The following SERPINI1 variants were observed in gnomAD, a reference collection of about 807,000 sequenced individuals.
SERPINI1 encodes the protein serpin family I member 1.
Under a neutral mutation model 41.1 loss-of-function variants are expected in SERPINI1, and 19 were observed. The observed-to-expected ratio is 0.46, with a 90% CI of 0.32 to 0.68. The LOEUF (loss-of-function observed/expected upper bound fraction) is 0.68, where lower values mean the gene tolerates loss of function less well. Among genes scored for constraint, SERPINI1 ranks in the 30% least tolerant of loss-of-function variants. The pLI is 0.03. For missense variants in SERPINI1, 460 were observed against 479.2 expected, an observed-to-expected ratio of 0.96 and a Z score of 0.37; for synonymous variants, 138 against 156.6, an observed-to-expected ratio of 0.88 and a Z score of 0.89.
intron 6 of SERPINI1, among the ~76,000 whole-genome samples, chr3:167,813,957 G>A (rs1711981729): frequency 6.6e-6 from 1 of 152,060 alleles, no homozygotes; most frequent in Non-Finnish European, 1.5e-5. Flanking sequence ...CTCTGCACTA[G>A]CTTTTCCTTC....
chr3:167,751,388 G>T (rs762645400), intron 1 of SERPINI1, among the ~76,000 whole-genome samples: 3 of 152,172 alleles, frequency 2.0e-5, no homozygotes, highest in Non-Finnish European at 4.4e-5. Flanking sequence ...TTGATAAAAT[G>T]AGGTAGCCCT....
At position 167,825,287 on chromosome 3, in the gene SERPINI1, A is replaced by G. The variant is rs995047733; in HGVS notation, c.1197A>G (p.Thr399=). ...TGGGACGAGTCATGCATCCTGAAAC[A>G]ATGAACACAAGTGGACATGATTTCG... ...LFMGRVMHPE[T]MNTSGHDFEE... Residue 399 remains threonine, a synonymous_variant, in exon 9 of 9, where the codon ACA becomes ACG. Coordinates refer to ENST00000446050, the MANE Select transcript of SERPINI1 (RefSeq NM_001122752.2). 2 of 1,613,470 alleles carry G rather than the reference A, an allele frequency of 1.2e-6. No homozygotes were observed. Among genetic ancestry groups the G allele is most frequent in the Non-Finnish European group, 1.7e-6 (2 of 1,179,564 alleles).
intron 2 of SERPINI1, 134 bp from the exon 3 acceptor site, chr3:167,790,238 G>A (rs575638621): frequency 1.5e-6 from 1 of 686,864 alleles, no homozygotes; most frequent in African/African-American, 1.8e-5. Flanking sequence ...TATCAATGTG[G>A]GGGAAAGCCT....
At chr3:167,775,294 C>T (rs1481744592) in intron 1 of SERPINI1, among the ~76,000 whole-genome samples, 6 of 148,540 alleles carry the variant, frequency 4.0e-5, no homozygotes, top group Non-Finnish European at 7.4e-5. Flanking sequence ...CAGAGTCTCG[C>T]TCTGTTGCCC....
At chr3:167,786,265 G>A (rs184606473) in intron 1 of SERPINI1, among the ~76,000 whole-genome samples, 1,671 of 152,246 alleles carry the variant, frequency 0.011, 8 homozygotes, top group Non-Finnish European at 0.018. Flanking sequence ...CACTTTGGGA[G>A]GCCAAGGCGG....
At chr3:167,773,754 A>G (rs891267509) in intron 1 of SERPINI1, among the ~76,000 whole-genome samples, 4 of 152,236 alleles carry the variant, frequency 2.6e-5, no homozygotes, top group Admixed American at 6.5e-5. Context: ...GCTTTAGCAC[A>G]GTGTTAGTCA....
chr3:167,738,215 G>A (rs1321345801), intron 1 of SERPINI1, among the ~76,000 whole-genome samples: 1 of 152,138 alleles, frequency 6.6e-6, no homozygotes, highest in East Asian at 1.9e-4. Flanking sequence ...CAGTGAATAT[G>A]TATGATGAGA....
intron 6 of SERPINI1, among the ~76,000 whole-genome samples, chr3:167,818,724 G>T (rs77292081): frequency 1.3e-5 from 2 of 152,106 alleles, no homozygotes; most frequent in Admixed American, 6.6e-5. Context: ...TTTTGGTGGG[G>T]CAAGTGCGAA....
intron 1 of SERPINI1, among the ~76,000 whole-genome samples, chr3:167,764,741 C>T (rs1405887235): frequency 6.6e-6 from 1 of 152,220 alleles, no homozygotes; most frequent in Non-Finnish European, 1.5e-5. Context: ...GTCCCTTCTA[C>T]CTATGAGCTT....
At chr3:167,778,993 T>C (rs1266550452) in intron 1 of SERPINI1, among the ~76,000 whole-genome samples, 1 of 152,230 alleles carries the variant, frequency 6.6e-6, no homozygotes, top group Non-Finnish European at 1.5e-5. Flanking sequence ...ATTTCAACTG[T>C]AGCACAGCCA....
At chr3:167,794,573 T>C in intron 4 of SERPINI1, 47 bp from the exon 5 acceptor site, 1 of 1,554,764 alleles carries the variant, frequency 6.4e-7, no homozygotes, top group Non-Finnish European at 8.9e-7. Flanking sequence ...CCCCAGCTTT[T>C]TTTAAGCTTT....
intron 5 of SERPINI1, among the ~76,000 whole-genome samples, chr3:167,796,171 A>G (rs1727705455): frequency 6.6e-6 from 1 of 151,982 alleles, no homozygotes; most frequent in African/African-American, 2.4e-5. Context: ...CTTAGCTGAT[A>G]GTTTGTTATG....
In SERPINI1 at chr3:167,784,647, T is replaced by C. The variant is rs753721623; in HGVS notation, c.-18-4464T>C. ...TGGCAGGATGGAGAGAGTGCAAGCA[T>C]GGGAAATGACAGATGCTTATAAAAC... On this transcript the variant is annotated intron_variant, in intron 1 of 8. Coordinates refer to ENST00000446050, the MANE Select transcript of SERPINI1 (RefSeq NM_001122752.2). Among the ~76,000 whole-genome samples the C allele has an allele frequency of 3.3e-5, 5 of 152,176 alleles. No individual in the cohort carries two copies. In the South Asian group the frequency reaches 6.2e-4, roughly 19 times the overall value.
At chr3:167,799,039 A>T (rs1403193129) in intron 5 of SERPINI1, among the ~76,000 whole-genome samples, 1 of 151,992 alleles carries the variant, frequency 6.6e-6, no homozygotes, top group Admixed American at 6.6e-5. Flanking sequence ...CTTTATATAT[A>T]TTTTTTGAGC....
chr3:167,746,150 A>G (rs555772700), intron 1 of SERPINI1, among the ~76,000 whole-genome samples: 6 of 152,274 alleles, frequency 3.9e-5, no homozygotes, highest in South Asian at 2.1e-4. Context: ...TTTTCAGTCA[A>G]TTGATTTTCA....
Position 167,825,315 on chromosome 3 carries a change from G to A in SERPINI1, c.1225G>A (p.Glu409Lys), listed in dbSNP as rs777674608. ...GAACACAAGTGGACATGATTTCGAA[G>A]AACTTTAAGTTACTTTATTTGAATA... ...TMNTSGHDFEEL is the reference protein window; with the variant it reads ...TMNTSGHDFEKL The change falls in exon 9 of 9, where the codon GAA (glutamate) becomes AAA (lysine). Residue 409 changes from glutamate to lysine, a missense_variant. By Grantham distance (56) the Glu-to-Lys change is moderately conservative. Transcript: ENST00000446050. 1.9e-6 allele frequency: 3 copies of A among 1,608,162 alleles called. No homozygotes were observed. The East Asian group carries it at 6.7e-5, about 36-fold the overall frequency.
At chr3:167,790,271 G>A (rs938321743) in intron 2 of SERPINI1, 101 bp from the exon 3 acceptor site, 24 of 844,306 alleles carry the variant, frequency 2.8e-5, no homozygotes, top group Non-Finnish European at 4.6e-5. Flanking sequence ...CCAGGTGCCT[G>A]TTTGGTTAAT....
chr3:167,801,635 G>A (rs988874110), intron 5 of SERPINI1, among the ~76,000 whole-genome samples: 2 of 152,008 alleles, frequency 1.3e-5, no homozygotes, highest in Admixed American at 6.6e-5. Flanking sequence ...GGTTGTTCGA[G>A]AGCATCATGG....
intron 1 of SERPINI1, among the ~76,000 whole-genome samples, chr3:167,777,299 A>AT: frequency 6.6e-6 from 1 of 151,808 alleles, no homozygotes; most frequent in African/African-American, 2.4e-5. Context: ...ACAATGTCAT[A>AT]TTTTTTCTTT....
Sources: allele counts gnomAD v4.1 joint callset (sites outside exome capture counted in the v4.1 genomes callset), GRCh38; gene constraint gnomAD v4.1.1; transcripts MANE v1.5; gene names NCBI Gene and HGNC (gene_info 2026-07-23, HGNC 2026-07-21).